The following MORC4 variants were observed in gnomAD, a reference collection of about 807,000 sequenced individuals.
MORC4 encodes MORC family CW-type zinc finger protein 4.
Under a neutral mutation model 65.5 loss-of-function variants are expected in MORC4, and 22 were observed. The observed-to-expected ratio is 0.34, with a 90% CI of 0.24 to 0.48. The LOEUF (loss-of-function observed/expected upper bound fraction) is 0.48, where lower values mean the gene tolerates loss of function less well. MORC4 is among the 20% of genes least tolerant of loss of function. The pLI, the probability that MORC4 is intolerant of heterozygous loss-of-function variation, is 0.99. For missense variants in MORC4, 624 were observed against 703.0 expected, an observed-to-expected ratio of 0.89 and a Z score of 1.27; for synonymous variants, 267 against 255.8, an observed-to-expected ratio of 1.04 and a Z score of -0.42.
At chrX:106,985,879 T>C (rs1202546844) in intron 4 of MORC4, 104 bp downstream of exon 4, 2 of 649,654 alleles carry the variant, frequency 3.1e-6, no homozygotes, top group Non-Finnish European at 4.7e-6. Context: ...TGAATACCTC[T>C]TTTAAAACTT....
At chrX:106,980,062 G>A (rs893796130) in intron 7 of MORC4, among the ~76,000 whole-genome samples, 4 of 110,324 alleles carry the variant, frequency 3.6e-5, no homozygotes, top group East Asian at 5.7e-4. Context: ...CAAATAGAGT[G>A]TAAACATGTT....
At chrX:106,983,177 T>G (rs1341444149) in intron 5 of MORC4, among the ~76,000 whole-genome samples, 1 of 112,250 alleles carries the variant, frequency 8.9e-6, no homozygotes, top group African/African-American at 3.2e-5. Context: ...AAAGTCAACC[T>G]GTATACCACC....
At position 106,942,097 on chromosome X, in the gene MORC4, T is replaced by C. The variant is rs199503317; in HGVS notation, c.2501A>G (p.Tyr834Cys). The part of the protein sequence containing the change: ...GLYWSKKHMG[Y>C]RQAEFQILKA... ...CAGAATCTGGAATTCAGCTTGGCGA[T>C]AACCCATGTGTTTCTTGCTCCAGTA... Residue 834 changes from tyrosine (Y) to cysteine (C), a missense_variant, in exon 16 of 17, where the codon TAT (tyrosine) becomes TGT (cysteine). By Grantham distance (194) the Tyr-to-Cys change is radical. Transcript: ENST00000355610. The C allele has an allele frequency of 2.6e-5, 32 of 1,209,596 alleles. No homozygotes were observed. Among genetic ancestry groups the C allele is most frequent in the Non-Finnish European group, 1.3e-5 (12 of 895,123 alleles).
intron 14 of MORC4, among the ~76,000 whole-genome samples, chrX:106,947,292 G>A (rs777075664): frequency 2.8e-5 from 3 of 108,920 alleles, no homozygotes; most frequent in Non-Finnish European, 3.8e-5. Context: ...AATATTTCAC[G>A]TGCATTTGAG....
At chrX:106,984,851 CTAAAT>C (rs1462498817) in intron 5 of MORC4, among the ~76,000 whole-genome samples, 3 of 109,279 alleles carry the variant, frequency 2.7e-5, no homozygotes, top group African/African-American at 6.7e-5. Flanking sequence ...CTACTTTGCT[CTAAAT>C]TACTCTAAAA....
chrX:106,955,131 C>T lies in MORC4; in HGVS notation c.1510-43G>A, dbSNP rs778922988. 5 of 999,451 alleles carry T rather than the reference C, an allele frequency of 5.0e-6. No homozygotes were observed. In the South Asian group the frequency reaches 8.8e-5, roughly 17 times the overall value. 82.4% of individuals were successfully genotyped at this position (999,451 alleles called of 1,213,427 possible). On this transcript the variant is annotated intron_variant, in intron 13 of 16. Transcript: ENST00000355610. ...GATTTGTAAAAGTCTCAAATTCAAA[C>T]CAAATGCCAAAGGATGAGTCAATCC...
chrX:106,978,620 GCACA>G (rs376470714), intron 7 of MORC4, among the ~76,000 whole-genome samples: 8 of 101,999 alleles, frequency 7.8e-5, no homozygotes, highest in Admixed American at 3.2e-4. Flanking sequence ...ACACACACAC[GCACA>G]CACACACACA....
chrX:106,981,260 A>G, intron 6 of MORC4, 85 bp downstream of exon 6: 3 of 1,013,258 alleles, frequency 3.0e-6, no homozygotes, highest in Non-Finnish European at 4.0e-6. Flanking sequence ...TTATCTTTGT[A>G]TAACTAAAAG....
At chrX:106,981,238 G>T in intron 6 of MORC4, 107 bp downstream of exon 6, 1 of 933,594 alleles carries the variant, frequency 1.1e-6, no homozygotes, top group Non-Finnish European at 1.5e-6. Context: ...CTAGCACATG[G>T]CTGGAACGTT....
At chrX:106,991,837 T>C (rs1276528461) in intron 3 of MORC4, among the ~76,000 whole-genome samples, 2 of 111,355 alleles carry the variant, frequency 1.8e-5, no homozygotes, top group Non-Finnish European at 3.8e-5. Flanking sequence ...ACCAGGAGGC[T>C]GAGGTTGCAG....
At chrX:106,961,500 G>A (rs920640421) in intron 10 of MORC4, among the ~76,000 whole-genome samples, 1 of 112,026 alleles carries the variant, frequency 8.9e-6, no homozygotes, top group Non-Finnish European at 1.9e-5. Flanking sequence ...GAGAGGTGAG[G>A]CCAGTTGGAC....
intron 13 of MORC4, among the ~76,000 whole-genome samples, chrX:106,955,948 G>A (rs1482197322): frequency 1.8e-5 from 2 of 111,348 alleles, no homozygotes; most frequent in Non-Finnish European, 3.8e-5. Flanking sequence ...CTGAAAGGAC[G>A]GCCAACCTTA....
At chrX:106,946,682 T>C (rs1412985840) in intron 14 of MORC4, among the ~76,000 whole-genome samples, 1 of 112,551 alleles carries the variant, frequency 8.9e-6, no homozygotes, top group East Asian at 2.8e-4. Flanking sequence ...GCATTCTGTT[T>C]AACATTTTGT....
chrX:106,967,550 A>C (rs745718206), intron 9 of MORC4, among the ~76,000 whole-genome samples: 5 of 112,084 alleles, frequency 4.5e-5, no homozygotes, highest in Non-Finnish European at 9.4e-5. Flanking sequence ...ACCCATAGTA[A>C]GGAAGCTAAA....
Position 107,000,151 on chromosome X carries a change from G to A in MORC4, c.-182C>T. Reference sequence around the variant, plus strand: ...CAGCCACCTGTCCCGGGCGGGAGGGGTGAGGCCGGCTGAGGCAAGCGGCGG... The same window carrying A: ...CAGCCACCTGTCCCGGGCGGGAGGGATGAGGCCGGCTGAGGCAAGCGGCGG... On this transcript the variant is annotated 5_prime_UTR_variant, in exon 1 of 17. Transcript: ENST00000355610. 7.1e-6 allele frequency: 1 copy of A among 141,632 alleles called. No homozygotes were observed. The highest frequency in any genetic ancestry group is 2.7e-4 in the South Asian group (1 of 3,728). The allele number at this position is 141,632 out of a possible 1,213,427, so 11.7% of individuals were successfully genotyped here. A position where few individuals can be genotyped will look rare whatever the true frequency, so the allele number is the denominator to read the frequency against.
At chrX:106,941,861 A>AC (rs1933691672) in intron 16 of MORC4, 77 bp downstream of exon 16, 2 of 1,040,284 alleles carry the variant, frequency 1.9e-6, no homozygotes, top group East Asian at 3.0e-5. Context: ...TCCTTTGTCT[A>AC]CGGCCAGTAA....
chrX:106,957,013 C>G lies in MORC4; in HGVS notation c.1386-9G>C, dbSNP rs1389785299. The G allele has an allele frequency of 3.5e-6, 4 of 1,155,755 alleles. No homozygotes were observed. Among genetic ancestry groups the G allele is most frequent in the Non-Finnish European group, 4.7e-6 (4 of 851,051 alleles). On this transcript the variant is annotated splice_polypyrimidine_tract_variant and intron_variant, in intron 11 of 16. Coordinates refer to ENST00000355610, the MANE Select transcript of MORC4 (RefSeq NM_024657.5). ...CTGGAACAGAGCATCTCCTGCAGTA[C>G]AGAGAATAAATCATCCTTTGGAAAA...
chrX:106,985,001 T>C lies in MORC4; in HGVS notation c.674+95A>G. The C allele has an allele frequency of 3.6e-6, 3 of 835,868 alleles. No homozygotes were observed. The South Asian group carries it at 1.1e-4, about 31-fold the overall frequency. The allele number at this position is 835,868 out of a possible 1,213,427, so 68.9% of individuals were successfully genotyped here. A position where few individuals can be genotyped will look rare whatever the true frequency, so the allele number is the denominator to read the frequency against. ...CTGGGCAACATAATGAGACCCTGTC[T>C]TTTTATAAAAATTTTAAAAGTTAAA... On this transcript the variant is annotated intron_variant, in intron 5 of 16. Coordinates refer to ENST00000355610, the MANE Select transcript of MORC4 (RefSeq NM_024657.5).
At chrX:106,985,052 A>C in intron 5 of MORC4, 44 bp downstream of exon 5, 1 of 1,033,092 alleles carries the variant, frequency 9.7e-7, no homozygotes, top group Non-Finnish European at 1.3e-6. Flanking sequence ...GTTTCATCAT[A>C]CTACCTTTGT....
Sources: gnomAD v4.1 joint callset for allele counts (sites outside exome capture counted in the v4.1 genomes callset) on GRCh38, gnomAD v4.1.1 for gene constraint, MANE v1.5 for transcripts, NCBI Gene and HGNC (gene_info 2026-07-23, HGNC 2026-07-21) for gene names.